Variants in ATF7IP observed in about 807,000 individuals in gnomAD.
ATF7IP encodes activating transcription factor 7-interacting protein 1.
Under a neutral mutation model 106.4 loss-of-function variants are expected in ATF7IP, and 23 were observed. The observed-to-expected ratio is 0.22, with a 90% CI of 0.16 to 0.31. The LOEUF (loss-of-function observed/expected upper bound fraction) is 0.31, where lower values mean the gene tolerates loss of function less well. ATF7IP is among the 10% of genes least tolerant of loss of function. ATF7IP has a pLI of 1.00. For synonymous variants in ATF7IP, 542 were observed against 539.0 expected (o/e 1.01, Z -0.08); for missense variants, 1,334 against 1,524.3 (o/e 0.88, Z 2.08).
chr12:14,478,434 G>A lies in ATF7IP; in HGVS notation c.3059G>A (p.Ser1020Asn). 6.2e-7 allele frequency: 1 copy of A among 1,614,062 alleles called. No individual in the cohort carries two copies. Among genetic ancestry groups the A allele is most frequent in the Non-Finnish European group, 8.5e-7 (1 of 1,179,944 alleles). Residue 1020 changes from serine (S) to asparagine (N), a missense_variant, in exon 12 of 15, where the codon AGT becomes AAT. Physicochemically the swap from Ser to Asn is conservative, Grantham distance 46. Transcript: ENST00000261168. ...PPLQPSGVPT[S>N]GPSQTTIHLL... ...CTTCAACCATCTGGGGTGCCAACAA[G>A]TGGACCATCTCAGACCACCATACAC...
chr12:14,370,254 G>T (rs536324782), intron 1 of ATF7IP, among the ~76,000 whole-genome samples: 6 of 152,160 alleles, frequency 3.9e-5, no homozygotes, highest in African/African-American at 1.4e-4. Flanking sequence ...GCATTTTTCT[G>T]GGGAAAAAGT....
Position 14,426,164 on chromosome 12 carries a change from T to A in ATF7IP, c.1558+691T>A, listed in dbSNP as rs142512511. On this transcript the variant is annotated intron_variant, in intron 2 of 14. Coordinates refer to ENST00000261168, the MANE Select transcript of ATF7IP (RefSeq NM_018179.5). ...CAAACTCCTTATGTAAAAGGTACAT[T>A]AACTTTATGATTTGTTCAGTACCTA... Among the ~76,000 whole-genome samples the A allele has an allele frequency of 8.2e-3, 1,255 of 152,292 alleles. 11 individuals carry two copies. The highest frequency in any genetic ancestry group is 0.038 in the South Asian group (182 of 4,830).
At chr12:14,473,886 C>T (rs1944155249) in intron 10 of ATF7IP, among the ~76,000 whole-genome samples, 1 of 151,680 alleles carries the variant, frequency 6.6e-6, no homozygotes, top group Admixed American at 6.6e-5. Context: ...GACCAATAGT[C>T]AGCAGTTACT....
chr12:14,494,897 C>T (rs1324079590), intron 13 of ATF7IP, among the ~76,000 whole-genome samples: 2 of 142,650 alleles, frequency 1.4e-5, no homozygotes, highest in Non-Finnish European at 3.0e-5. Flanking sequence ...CATGCCACTG[C>T]ACTCCAGCCT....
chr12:14,466,570 G>A lies in ATF7IP; in HGVS notation c.2842G>A (p.Ala948Thr). 1 of 1,604,442 alleles carries A rather than the reference G, an allele frequency of 6.2e-7. No homozygotes were observed. The highest frequency in any genetic ancestry group is 8.5e-7 in the Non-Finnish European group (1 of 1,176,816). The change falls in exon 10 of 15, where the codon GCA becomes ACA. Residue 948 changes from alanine (A) to threonine (T), a missense_variant. Ala to Thr is a moderately conservative substitution (Grantham distance 58). Around this residue, in one of 10 missense-constraint regions of ATF7IP, gnomAD observed 370 missense variants for 401.2 expected, o/e 0.92. Transcript: ENST00000261168. ...AATAGATGCTTCTGTCAGTAAGAAA[G>A]CAGCTGATAGCACATCACAGGTAAG... Reference protein sequence around the residue: ...KTIDASVSKKAADSTSQCGKA... With the variant: ...KTIDASVSKKTADSTSQCGKA...
intron 1 of ATF7IP, among the ~76,000 whole-genome samples, chr12:14,415,571 C>T (rs1295303035): frequency 2.6e-5 from 4 of 152,006 alleles, no homozygotes; most frequent in Non-Finnish European, 5.9e-5. Context: ...TATTGCATTC[C>T]ACATTTTGGT....
At chr12:14,395,446 A>G (rs1939785788) in intron 1 of ATF7IP, among the ~76,000 whole-genome samples, 2 of 152,206 alleles carry the variant, frequency 1.3e-5, no homozygotes, top group Non-Finnish European at 2.9e-5. Flanking sequence ...TGTAATTTTC[A>G]TCTTCTCAAA....
chr12:14,419,471 A>G (rs539474790), intron 1 of ATF7IP: 1 of 152,320 alleles, frequency 6.6e-6, no homozygotes, highest in African/African-American at 2.4e-5. Flanking sequence ...TATCTGAGAA[A>G]TGCGGATATT....
chr12:14,482,989 A>G (rs775236756), intron 13 of ATF7IP, among the ~76,000 whole-genome samples: 4 of 152,232 alleles, frequency 2.6e-5, no homozygotes, highest in Admixed American at 6.5e-5. Flanking sequence ...AGGAAAAGGA[A>G]ATAAAGATAT....
chr12:14,442,252 A>G (rs547078186), intron 5 of ATF7IP, among the ~76,000 whole-genome samples: 1 of 152,300 alleles, frequency 6.6e-6, no homozygotes, highest in Non-Finnish European at 1.5e-5. Flanking sequence ...GGTTTCAATT[A>G]ATATCTACTT....
Position 14,469,378 on chromosome 12 carries a change from A to C in ATF7IP, c.2862+2788A>C, listed in dbSNP as rs768618332. Among the ~76,000 whole-genome samples the C allele has an allele frequency of 6.0e-3, 909 of 151,546 alleles. 12 individuals are homozygous for C. Among genetic ancestry groups the C allele is most frequent in the Middle Eastern group, 0.055 (16 of 290 alleles). ...AGACTGTCTCAAAAAAAAAAAAAAA[A>C]AAAAACTTGGACATCTAGTGTGGAA... On this transcript the variant is annotated intron_variant, in intron 10 of 14. Coordinates refer to ENST00000261168, the MANE Select transcript of ATF7IP (RefSeq NM_018179.5).
At chr12:14,377,596 C>T (rs1328243992) in intron 1 of ATF7IP, among the ~76,000 whole-genome samples, 2 of 151,552 alleles carry the variant, frequency 1.3e-5, no homozygotes, top group East Asian at 3.9e-4. Context: ...ACCTCGTGAG[C>T]CACCGCGCCC....
chr12:14,394,328 G>T (rs567570822), intron 1 of ATF7IP, among the ~76,000 whole-genome samples: 5 of 152,144 alleles, frequency 3.3e-5, no homozygotes, highest in Non-Finnish European at 5.9e-5. Context: ...TAAGGCTTTT[G>T]AATATCTCTG....
In ATF7IP at chr12:14,435,470, C is replaced by G. The variant is rs180684328; in HGVS notation, c.1646-636C>G. Reference sequence around the variant, plus strand: ...TAATTTTTTTAGATATTGAAGAAGCCAGATACAAATTTGCTTATGATCTCA... The same window carrying G: ...TAATTTTTTTAGATATTGAAGAAGCGAGATACAAATTTGCTTATGATCTCA... On this transcript the variant is annotated intron_variant, in intron 3 of 14. Transcript: ENST00000261168. 1.2e-3 allele frequency among the ~76,000 whole-genome samples: 186 copies of G among 152,208 alleles called. 2 individuals carry two copies. The highest frequency in any genetic ancestry group is 4.3e-3 in the African/African-American group (178 of 41,526).
intron 13 of ATF7IP, among the ~76,000 whole-genome samples, chr12:14,489,121 G>A (rs546047981): frequency 6.6e-6 from 1 of 152,220 alleles, no homozygotes; most frequent in Admixed American, 6.5e-5. Context: ...GAGGGGTCTG[G>A]GCCATTTTTA....
intron 1 of ATF7IP, among the ~76,000 whole-genome samples, chr12:14,368,973 A>G (rs1938418012): frequency 6.6e-6 from 1 of 150,884 alleles, no homozygotes; most frequent in Admixed American, 6.6e-5. Context: ...TTTTTGAGAT[A>G]GGATCTTGCT....
intron 1 of ATF7IP, among the ~76,000 whole-genome samples, chr12:14,391,516 A>G (rs934452788): frequency 1.3e-5 from 2 of 152,206 alleles, no homozygotes; most frequent in African/African-American, 4.8e-5. Flanking sequence ...GTAGTTTTGG[A>G]TAAATATTTA....
chr12:14,444,259 T>G (rs889517493), intron 5 of ATF7IP, among the ~76,000 whole-genome samples: 1 of 152,198 alleles, frequency 6.6e-6, no homozygotes, highest in Non-Finnish European at 1.5e-5. Context: ...ATCAATGAAG[T>G]AAATTTATGA....
chr12:14,375,618 A>G (rs1938708598), intron 1 of ATF7IP, among the ~76,000 whole-genome samples: 1 of 152,234 alleles, frequency 6.6e-6, no homozygotes, highest in African/African-American at 2.4e-5. Context: ...TATACAGTGA[A>G]GTGGAAAGAA....
Sources: gnomAD v4.1 joint callset for allele counts (sites outside exome capture counted in the v4.1 genomes callset) on GRCh38, gnomAD v4.1.1 for gene constraint, gnomAD v4.1.1 regional missense constraint, MANE v1.5 for transcripts, NCBI Gene and HGNC (gene_info 2026-07-23, HGNC 2026-07-21) for gene names.